The following AMBRA1 variants were observed in gnomAD, a reference collection of about 807,000 sequenced individuals.
AMBRA1 encodes the protein autophagy and beclin 1 regulator 1, also known as activating molecule in BECN1-regulated autophagy protein 1.
Under a neutral mutation model 125.4 loss-of-function variants are expected in AMBRA1, and 47 were observed. The observed-to-expected ratio is 0.37, with a 90% CI of 0.30 to 0.48. The LOEUF is 0.48. Ranked by LOEUF, AMBRA1 falls within the 20% of genes least tolerant of loss-of-function variation. AMBRA1 has a pLI of 0.99. For synonymous variants in AMBRA1, 626 were observed against 655.5 expected (o/e 0.95, Z 0.69); for missense variants, 1,331 against 1,693.4 (o/e 0.79, Z 3.76).
intron 17 of AMBRA1, among the ~76,000 whole-genome samples, chr11:46,407,138 A>C (rs941183396): frequency 5.9e-5 from 9 of 152,150 alleles, no homozygotes; most frequent in Non-Finnish European, 7.4e-5. Context: ...GAGATCGCAG[A>C]GGCTGAAGTG....
At chr11:46,539,168 T>C (rs190882918) in intron 7 of AMBRA1, among the ~76,000 whole-genome samples, 12 of 152,106 alleles carry the variant, frequency 7.9e-5, no homozygotes, top group Admixed American at 3.3e-4. Flanking sequence ...AGGTTATAGG[T>C]GTATGGAAGC....
At chr11:46,494,014 A>C (rs750326657) in intron 10 of AMBRA1, 110 bp downstream of exon 10, 1 of 1,060,588 alleles carries the variant, frequency 9.4e-7, no homozygotes. Flanking sequence ...CTATGGGCCC[A>C]CTAGGAAACA....
At chr11:46,507,340 G>A (rs560195782) in intron 9 of AMBRA1, among the ~76,000 whole-genome samples, 4 of 151,724 alleles carry the variant, frequency 2.6e-5, no homozygotes, top group South Asian at 2.1e-4. Flanking sequence ...TTAGCCAGGC[G>A]CGGTGGCGGG....
At chr11:46,572,225 C>A (rs970777234) in intron 1 of AMBRA1, among the ~76,000 whole-genome samples, 1 of 151,950 alleles carries the variant, frequency 6.6e-6, no homozygotes, top group African/African-American at 2.4e-5. Flanking sequence ...CGCTTAAACC[C>A]GGGAGGCGGA....
At chr11:46,549,713 C>G (rs2042929952) in intron 1 of AMBRA1, among the ~76,000 whole-genome samples, 1 of 152,130 alleles carries the variant, frequency 6.6e-6, no homozygotes, top group African/African-American at 2.4e-5. Flanking sequence ...AAAACTCAAG[C>G]AACGACTTTG....
At chr11:46,533,960 T>C (rs1952339136) in intron 7 of AMBRA1, among the ~76,000 whole-genome samples, 1 of 151,788 alleles carries the variant, frequency 6.6e-6, no homozygotes, top group Non-Finnish European at 1.5e-5. Context: ...CTGTCTAAAA[T>C]GTCCTTCCCC....
chr11:46,486,456 G>C (rs1950268081), intron 11 of AMBRA1, among the ~76,000 whole-genome samples: 7 of 152,206 alleles, frequency 4.6e-5, no homozygotes, highest in Admixed American at 3.9e-4. Flanking sequence ...CTATCAGATG[G>C]TGAAATAAGG....
chr11:46,469,838 C>CTTTTT (rs34785738), intron 11 of AMBRA1, among the ~76,000 whole-genome samples: 1 of 128,312 alleles, frequency 7.8e-6, no homozygotes, highest in African/African-American at 2.9e-5. Context: ...CTAACTTAAA[C>CTTTTT]TTTTTTTTTT....
intron 11 of AMBRA1, among the ~76,000 whole-genome samples, chr11:46,467,446 T>C (rs1490295803): frequency 6.6e-6 from 1 of 152,182 alleles, no homozygotes; most frequent in East Asian, 1.9e-4. Context: ...AGAAGAGAAA[T>C]GTTCTTGTCA....
In AMBRA1 at chr11:46,537,977, C is replaced by T. The variant is rs138816091; in HGVS notation, c.2072+3968G>A. On this transcript the variant is annotated intron_variant, in intron 7 of 17. Transcript: ENST00000683756. ...ACAAACAGCAGGGACACCTTTTCTT[C>T]CCAGTCATCCTAACCTAGCAGCAGC... 3.3e-5 allele frequency among the ~76,000 whole-genome samples: 5 copies of T among 152,322 alleles called. 1 individual carries two copies. In the East Asian group the frequency reaches 9.6e-4, roughly 29 times the overall value.
intron 14 of AMBRA1, among the ~76,000 whole-genome samples, chr11:46,422,968 G>A (rs1309532986): frequency 1.3e-5 from 2 of 152,204 alleles, no homozygotes; most frequent in South Asian, 2.1e-4. Context: ...AGGGGGCTTT[G>A]AGGAAGAAAG....
chr11:46,565,324 T>A (rs572168188), intron 1 of AMBRA1, among the ~76,000 whole-genome samples: 35 of 152,194 alleles, frequency 2.3e-4, no homozygotes, highest in African/African-American at 5.5e-4. Context: ...CCTTTTTTTT[T>A]AAATTAAAAA....
chr11:46,416,120 G>T (rs759100322), intron 15 of AMBRA1, among the ~76,000 whole-genome samples: 1 of 152,198 alleles, frequency 6.6e-6, no homozygotes, highest in Non-Finnish European at 1.5e-5. Flanking sequence ...GGAAAGAAAG[G>T]CCTGTAACTG....
intron 1 of AMBRA1, among the ~76,000 whole-genome samples, chr11:46,593,454 T>G (rs1339401567): frequency 6.6e-6 from 1 of 151,444 alleles, no homozygotes; most frequent in Non-Finnish European, 1.5e-5. Context: ...TCAGTAGGGG[T>G]CCCCAGTGCA....
chr11:46,511,375 T>C lies in AMBRA1; in HGVS notation c.2159+1352A>G, dbSNP rs2135049529. On this transcript the variant is annotated intron_variant, in intron 8 of 17. Transcript: ENST00000683756. Reference sequence around the variant, plus strand: ...TGTTCCCTGATCCTTAAGTTTGTCATTTCTAGGGTGTGGAAAAGGAACTAA... The same window carrying C: ...TGTTCCCTGATCCTTAAGTTTGTCACTTCTAGGGTGTGGAAAAGGAACTAA... 2.0e-5 allele frequency among the ~76,000 whole-genome samples: 3 copies of C among 152,334 alleles called. No homozygotes were observed. In the South Asian group the frequency reaches 6.2e-4, roughly 32 times the overall value.
intron 7 of AMBRA1, among the ~76,000 whole-genome samples, chr11:46,528,042 T>C (rs1160602704): frequency 2.0e-5 from 3 of 152,236 alleles, no homozygotes; most frequent in African/African-American, 7.2e-5. Flanking sequence ...ATAGCCAAAA[T>C]GTGGAACCAG....
At chr11:46,435,105 C>A (rs1218064454) in intron 12 of AMBRA1, 68 bp from the exon 13 acceptor site, 24 of 1,432,320 alleles carry the variant, frequency 1.7e-5, no homozygotes, top group Non-Finnish European at 2.2e-5. Context: ...ATTCTGGGGC[C>A]AAGAAACTTT....
intron 9 of AMBRA1, among the ~76,000 whole-genome samples, chr11:46,498,496 G>T (rs2134996847): frequency 6.6e-6 from 1 of 152,132 alleles, no homozygotes; most frequent in East Asian, 1.9e-4. Flanking sequence ...TCTTATCAAA[G>T]ATTTTACCAG....
intron 17 of AMBRA1, 107 bp from the exon 18 acceptor site, chr11:46,398,050 G>T (rs1945542276): frequency 7.2e-7 from 1 of 1,394,696 alleles, no homozygotes; most frequent in East Asian, 2.5e-5. Context: ...CTAAACGCAG[G>T]ATAGAGAAAG....
Sources: allele counts gnomAD v4.1 joint callset (sites outside exome capture counted in the v4.1 genomes callset), GRCh38; gene constraint gnomAD v4.1.1; transcripts MANE v1.5; gene names NCBI Gene and HGNC (gene_info 2026-07-23, HGNC 2026-07-21).